TCAIM: variants seen among roughly 807,000 people sequenced by gnomAD.
TCAIM encodes the protein T-cell activation inhibitor, mitochondrial.
In TCAIM, 36 loss-of-function variants were observed where a neutral mutation model predicts 58.6. The observed-to-expected ratio is 0.61, with a 90% CI of 0.47 to 0.81. The LOEUF (loss-of-function observed/expected upper bound fraction) is 0.81, where lower values mean the gene tolerates loss of function less well. Ranked by LOEUF, TCAIM falls within the 30% of genes least tolerant of loss-of-function variation. The probability of loss-of-function intolerance (pLI) is 0.00; values close to 1 mark genes in which losing one functional copy is unlikely to be tolerated. For synonymous variants in TCAIM, 172 were observed against 193.6 expected (o/e 0.89, Z 0.93); for missense variants, 466 against 579.6 (o/e 0.80, Z 2.01).
At chr3:44,389,619 G>A (rs1307482701) in intron 5 of TCAIM, among the ~76,000 whole-genome samples, 4 of 152,146 alleles carry the variant, frequency 2.6e-5, no homozygotes, top group Admixed American at 6.5e-5. Context: ...ATATCCAATA[G>A]TAGTGATGTA....
chr3:44,374,542 G>A (rs1386876493), intron 5 of TCAIM, among the ~76,000 whole-genome samples: 1 of 151,994 alleles, frequency 6.6e-6, no homozygotes, highest in Non-Finnish European at 1.5e-5. Context: ...GATTGCTTGA[G>A]GCCAGGAGTT....
At chr3:44,360,675 G>A (rs1701281987) in intron 3 of TCAIM, among the ~76,000 whole-genome samples, 1 of 151,318 alleles carries the variant, frequency 6.6e-6, no homozygotes, top group African/African-American at 2.4e-5. Flanking sequence ...ACCATCAAGG[G>A]GCTCACTGCA....
rs1001293355 is a variant in TCAIM, at chr3:44,400,496, T to C, written c.1027T>C (p.Ser343Pro). The C allele has an allele frequency of 6.2e-7, 1 of 1,613,610 alleles. No homozygotes were observed. Among genetic ancestry groups the C allele is most frequent in the Middle Eastern group, 1.7e-4 (1 of 6,058 alleles). The change falls in exon 9 of 11, where the codon TCT becomes CCT. Residue 343 changes from serine to proline, a missense_variant. Physicochemically the swap from Ser to Pro is moderately conservative, Grantham distance 74. Transcript: ENST00000342649. ...AGTATTGACACTTGAAGAATATTAC[T>C]CTCTTCTTGATGTGTTTTATAATAG... is the stretch of plus-strand genomic sequence containing the variant. ...QPVLTLEEYYSLLDVFYNRLL... is the reference protein window; with the variant it reads ...QPVLTLEEYYPLLDVFYNRLL...
At chr3:44,380,078 G>A (rs1321922763) in intron 5 of TCAIM, among the ~76,000 whole-genome samples, 4 of 151,980 alleles carry the variant, frequency 2.6e-5, no homozygotes, top group Non-Finnish European at 4.4e-5. Flanking sequence ...TTAGATCATA[G>A]ACTTAAATGT....
intron 3 of TCAIM, 140 bp downstream of exon 3, chr3:44,358,016 T>C (rs986698834): frequency 2.2e-6 from 3 of 1,368,608 alleles, no homozygotes; most frequent in Non-Finnish European, 2.9e-6. Context: ...ATTTGAAATG[T>C]AGATACTGAA....
At chr3:44,405,416 T>C (rs1384609587) in intron 10 of TCAIM, among the ~76,000 whole-genome samples, 1 of 152,056 alleles carries the variant, frequency 6.6e-6, no homozygotes, top group Non-Finnish European at 1.5e-5. Context: ...CTCACAGTTA[T>C]AATCCCAGCA....
At chr3:44,405,310 T>A (rs755936051) in intron 10 of TCAIM, among the ~76,000 whole-genome samples, 99 of 152,172 alleles carry the variant, frequency 6.5e-4, no homozygotes, top group Non-Finnish European at 1.2e-3. Flanking sequence ...CTTAAATAAG[T>A]TGGAAACAAT....
At chr3:44,338,424 A>C (rs1284332263), upstream of TCAIM, 1 of 152,220 alleles carries the variant, frequency 6.6e-6, no homozygotes, top group African/African-American at 2.4e-5. Flanking sequence ...GGTTGAATCC[A>C]CGCCCTGGCT....
chr3:44,394,850 C>T (rs1412233343), intron 6 of TCAIM, among the ~76,000 whole-genome samples: 8 of 132,332 alleles, frequency 6.0e-5, no homozygotes, highest in African/African-American at 2.0e-4. Flanking sequence ...GCCGAGATCA[C>T]GCCACTGCAC....
At chr3:44,400,655 T>A in intron 9 of TCAIM, 68 bp downstream of exon 9, 2 of 1,323,420 alleles carry the variant, frequency 1.5e-6, no homozygotes, top group African/African-American at 1.5e-5. Context: ...GTAAATGCAT[T>A]AAATTGTTTT....
chr3:44,359,539 A>G (rs538719670), intron 3 of TCAIM: 2 of 152,368 alleles, frequency 1.3e-5, no homozygotes, highest in South Asian at 2.1e-4. Context: ...AGTGAGTCAC[A>G]TAAGCACTAA....
At chr3:44,368,763 C>T (rs955493176) in intron 5 of TCAIM, among the ~76,000 whole-genome samples, 7 of 152,126 alleles carry the variant, frequency 4.6e-5, no homozygotes, top group African/African-American at 1.4e-4. Flanking sequence ...TGGCTTATGC[C>T]GATAATCCCA....
intron 1 of TCAIM, among the ~76,000 whole-genome samples, chr3:44,344,098 T>G (rs1700913903): frequency 6.7e-6 from 1 of 148,786 alleles, no homozygotes; most frequent in Non-Finnish European, 1.5e-5. Flanking sequence ...CTCAGCTCAC[T>G]GCAAACTCCA....
intron 10 of TCAIM, among the ~76,000 whole-genome samples, chr3:44,407,111 C>A (rs775087785): frequency 6.6e-6 from 1 of 152,136 alleles, no homozygotes; most frequent in Non-Finnish European, 1.5e-5. Flanking sequence ...GTTTTATATT[C>A]TTCATTTTCT....
rs779480200 is a variant in TCAIM at position 44,407,542 on chromosome 3, G to T, written c.1351G>T (p.Asp451Tyr). 14 of 1,613,804 alleles carry T rather than the reference G, an allele frequency of 8.7e-6. No homozygotes were observed. In the South Asian group the frequency reaches 1.5e-4, roughly 18 times the overall value. The change falls in exon 11 of 11, where the codon GAT becomes TAT. Residue 451 changes from aspartate to tyrosine, a missense_variant. Asp to Tyr is a radical substitution (Grantham distance 160, BLOSUM62 -3). Transcript: ENST00000342649. ...EPSISSIQMV[D>Y]CCKRLLEQSL... is the part of the protein sequence containing the mutation. ...CAGCATTTCTAGTATACAAATGGTGGATTGTTGTAAGAGACTTCTAGAACA... is the reference window on the plus strand; with the variant it reads ...CAGCATTTCTAGTATACAAATGGTGTATTGTTGTAAGAGACTTCTAGAACA...
At chr3:44,355,364 A>G (rs1239018429) in intron 2 of TCAIM, among the ~76,000 whole-genome samples, 4 of 152,186 alleles carry the variant, frequency 2.6e-5, no homozygotes, top group Admixed American at 2.0e-4. Context: ...GTGGTTGGAG[A>G]TCAAGTTGGA....
intron 4 of TCAIM, chr3:44,362,599 C>G (rs1042746728): frequency 5.1e-6 from 2 of 392,844 alleles, no homozygotes; most frequent in Non-Finnish European, 9.0e-6. Flanking sequence ...GGCAGTTTCT[C>G]CATCTACCTC....
At chr3:44,352,103 TATATATA>T (rs1701104891) in intron 1 of TCAIM, among the ~76,000 whole-genome samples, 1 of 148,288 alleles carries the variant, frequency 6.7e-6, no homozygotes, top group African/African-American at 2.5e-5. Flanking sequence ...ATATATATAT[TATATATA>T]TAAAACATTT....
Position 44,407,572 on chromosome 3 carries a change from C to T in TCAIM, c.1381C>T (p.Leu461=), listed in dbSNP as rs769720375. The change falls in exon 11 of 11, where the codon CTG becomes TTG. Residue 461 remains leucine, a synonymous_variant. Coordinates refer to ENST00000342649, the MANE Select transcript of TCAIM (RefSeq NM_173826.4). ...TTGTAAGAGACTTCTAGAACAATCA[C>T]TGCCTTACCTACATGGGATGCACCT... The part of the protein sequence containing the change: ...DCCKRLLEQS[L]PYLHGMHLCI... 1.2e-6 allele frequency: 2 copies of T among 1,614,046 alleles called. No individual in the cohort carries two copies. The highest frequency in any genetic ancestry group is 1.7e-6 in the Non-Finnish European group (2 of 1,179,980).
Sources: allele counts gnomAD v4.1 joint callset (sites outside exome capture counted in the v4.1 genomes callset), GRCh38; gene constraint gnomAD v4.1.1; transcripts MANE v1.5; gene names NCBI Gene and HGNC (gene_info 2026-07-23, HGNC 2026-07-21).